EEF2: variants seen among roughly 807,000 people sequenced by gnomAD.
The protein encoded by EEF2 is eukaryotic translation elongation factor 2, also known as elongation factor 2.
Under a neutral mutation model 85.3 loss-of-function variants are expected in EEF2, and 21 were observed. The ratio of observed to expected loss-of-function variants is 0.25; its 90% CI spans 0.17 to 0.35. The LOEUF (loss-of-function observed/expected upper bound fraction) is 0.35. Among genes scored for constraint, EEF2 ranks in the 10% least tolerant of loss-of-function variants. The pLI is 1.00. For synonymous variants in EEF2, 723 were observed against 508.8 expected (o/e 1.42, Z -5.67); for missense variants, 825 against 1,225.3 (o/e 0.67, Z 4.88).
chr19:3,980,403 A>G, intron 9 of EEF2, 111 bp downstream of exon 9: 8 of 1,328,066 alleles, frequency 6.0e-6, no homozygotes, highest in South Asian at 1.5e-5. Context: ...GTATCACCCT[A>G]TATTCCTTCT....
In EEF2 at chr19:3,981,902, G is replaced by A. The variant is rs754879857; in HGVS notation, c.897+45C>T. On this transcript the variant is annotated intron_variant, in intron 6 of 14. Coordinates refer to ENST00000309311, the MANE Select transcript of EEF2 (RefSeq NM_001961.4). Reference sequence around the variant, plus strand: ...CCGGCCGGAGCCCACAGGGCCGAGGGCCAATAGTCGCATCGGCGGGGTGCC... The same window carrying A: ...CCGGCCGGAGCCCACAGGGCCGAGGACCAATAGTCGCATCGGCGGGGTGCC... 21 of 1,579,132 alleles carry A rather than the reference G, an allele frequency of 1.3e-5. No homozygotes were observed. In the Admixed American group the frequency reaches 2.2e-4, roughly 16 times the overall value.
rs577304115 is a variant in EEF2 at position 3,982,458 on chromosome 19, G to A, written c.613-34C>T. On this transcript the variant is annotated intron_variant, in intron 4 of 14. Transcript: ENST00000309311. ...GTGAGAAACGAGAAGCAGCCGTGAGGGCCCCTGCGCAGAGCCTGAAGCTAC... is the reference window on the plus strand; with the variant it reads ...GTGAGAAACGAGAAGCAGCCGTGAGAGCCCCTGCGCAGAGCCTGAAGCTAC... 1.3e-5 allele frequency: 21 copies of A among 1,613,430 alleles called. No homozygotes were observed. In the East Asian group the frequency reaches 3.1e-4, roughly 24 times the overall value.
Position 3,982,798 on chromosome 19 carries a change from G to A in EEF2, c.612+9C>T, listed in dbSNP as rs201732449. On this transcript the variant is annotated intron_variant, in intron 4 of 14. Transcript: ENST00000309311. ...GGCAAGCCCACCACCCAGCTAGGGAGGGCCGTACCATGATGTTGCCCATGG... is the reference window on the plus strand; with the variant it reads ...GGCAAGCCCACCACCCAGCTAGGGAAGGCCGTACCATGATGTTGCCCATGG... 37 of 1,606,504 alleles carry A rather than the reference G, an allele frequency of 2.3e-5. 1 individual carries two copies. In the Admixed American group the frequency reaches 4.5e-4, roughly 20 times the overall value.
rs778330979 is a variant in EEF2, at chr19:3,979,419, C to G, written c.1623G>C (p.Ser541=). 3.1e-6 allele frequency: 5 copies of G among 1,613,694 alleles called. No homozygotes were observed. The Admixed American group carries it at 8.3e-5, about 27-fold the overall frequency. ...DPMVQCIIEE[S]GEHIIAGAGE... The stretch of plus-strand genomic sequence containing the variant: ...CGGCGCCCGCGATGATATGCTCTCC[C>G]GACTCCTCGATGATGCACTGAAAGG... The change falls in exon 11 of 15, where the codon TCG becomes TCC. Residue 541 remains serine (S), a synonymous_variant. Transcript: ENST00000309311.
At chr19:3,981,806 G>C (rs2039751866) in intron 6 of EEF2, 141 bp downstream of exon 6, 3 of 771,756 alleles carry the variant, frequency 3.9e-6, no homozygotes, top group South Asian at 1.6e-5. Flanking sequence ...CTCCACCTCA[G>C]TTAGGAGCTG....
chr19:3,981,251 G>A (rs2039742340), intron 7 of EEF2, 88 bp downstream of exon 7: 4 of 1,326,228 alleles, frequency 3.0e-6, no homozygotes, highest in Non-Finnish European at 1.1e-6. Context: ...CCCAGCTGAG[G>A]ACTTCAGCCC....
At position 3,976,424 on chromosome 19, in the gene EEF2, G is replaced by C; in HGVS notation, c.*130C>G. 1.0e-6 allele frequency: 1 copy of C among 1,002,198 alleles called. No individual in the cohort carries two copies. Among genetic ancestry groups the C allele is most frequent in the Non-Finnish European group, 1.4e-6 (1 of 694,256 alleles). The allele number at this position is 1,002,198 out of a possible 1,614,324, so 62.1% of individuals were successfully genotyped here. On this transcript the variant is annotated 3_prime_UTR_variant, in exon 15 of 15. Coordinates refer to ENST00000309311, the MANE Select transcript of EEF2 (RefSeq NM_001961.4). ...TTATGGTTGAGTGATGGCACGCAGC[G>C]GGCCCCAGAAACCTCTCAGGGGAGC...
At chr19:3,976,979 G>A (rs1052703307) in intron 14 of EEF2, among the ~76,000 whole-genome samples, 22 of 152,206 alleles carry the variant, frequency 1.4e-4, no homozygotes, top group African/African-American at 3.9e-4. Flanking sequence ...GGCCCAGGGC[G>A]TAGGCCTTCA....
At chr19:3,976,849 C>A in intron 14 of EEF2, 102 bp from the exon 15 acceptor site, 1 of 1,311,920 alleles carries the variant, frequency 7.6e-7, no homozygotes, top group Non-Finnish European at 1.0e-6. Context: ...CTGAGTCACC[C>A]TGCAGACCAG....
At chr19:3,979,680 C>T in intron 10 of EEF2, 128 bp downstream of exon 10, 1 of 1,423,766 alleles carries the variant, frequency 7.0e-7, no homozygotes, top group Non-Finnish European at 9.5e-7. Context: ...CAGCCACAGC[C>T]AAGAACCCCT....
chr19:3,982,964 T>C lies in EEF2; in HGVS notation c.455A>G (p.Lys152Arg), dbSNP rs1324170947. 2.5e-6 allele frequency: 4 copies of C among 1,612,936 alleles called. No homozygotes were observed. The highest frequency in any genetic ancestry group is 1.7e-5 in the Admixed American group (1 of 59,986). The part of the protein sequence containing the change: ...VLRQAIAERI[K>R]PVLMMNKMDR... Reference sequence around the variant, plus strand: ...CATCTTGTTCATCATCAGCACAGGCTTGATGCGCTCGGCAATGGCCTGCCG... The same window carrying C: ...CATCTTGTTCATCATCAGCACAGGCCTGATGCGCTCGGCAATGGCCTGCCG... Residue 152 changes from lysine (K) to arginine (R), a missense_variant, in exon 4 of 15, where the codon AAG becomes AGG. Lys to Arg is a conservative substitution (Grantham distance 26). Transcript: ENST00000309311.
chr19:3,983,840 C>G, intron 2 of EEF2: 1 of 465,494 alleles, frequency 2.1e-6, no homozygotes, highest in South Asian at 2.4e-5. Context: ...CCCTCCCCTC[C>G]CAGGTGTGAC....
chr19:3,981,548 G>C, intron 6 of EEF2, 96 bp from the exon 7 acceptor site: 1 of 1,169,870 alleles, frequency 8.5e-7, no homozygotes, highest in South Asian at 1.3e-5. Context: ...TCAGCGCAGG[G>C]GGACGCAGCA....
In EEF2 at chr19:3,977,810, G is replaced by T; in HGVS notation, c.2067+9C>A. ...GGGTGTGGTCTGCACATGCTGAGCCGTGCCTCACCTCCTTGGTGGCCCACT... is the reference window on the plus strand; with the variant it reads ...GGGTGTGGTCTGCACATGCTGAGCCTTGCCTCACCTCCTTGGTGGCCCACT... On this transcript the variant is annotated intron_variant, in intron 12 of 14. Coordinates refer to ENST00000309311, the MANE Select transcript of EEF2 (RefSeq NM_001961.4). This position sits in a 1 kb window ranked among gnomAD's most constrained non-coding sequence, Gnocchi z 5.4. 1.9e-6 allele frequency: 3 copies of T among 1,573,868 alleles called. No homozygotes were observed. Among genetic ancestry groups the T allele is most frequent in the Non-Finnish European group, 2.6e-6 (3 of 1,154,976 alleles).
chr19:3,983,997 CCTCA>C, intron 2 of EEF2, 135 bp downstream of exon 2: 2 of 881,198 alleles, frequency 2.3e-6, no homozygotes, highest in Middle Eastern at 3.5e-4. Context: ...CTGGACTGAA[CCTCA>C]CTCATTCTCC....
chr19:3,981,519 C>A, intron 6 of EEF2, 67 bp from the exon 7 acceptor site: 1 of 1,471,992 alleles, frequency 6.8e-7, no homozygotes, highest in Non-Finnish European at 9.5e-7. Flanking sequence ...GGCACTGCTT[C>A]CTGCTTGGAA....
chr19:3,978,208 G>A (rs779756129), intron 11 of EEF2, 36 bp from the exon 12 acceptor site: 2 of 1,431,038 alleles, frequency 1.4e-6, no homozygotes, highest in Non-Finnish European at 1.8e-6. Context: ...CTTGCCTGGA[G>A]AAAGAGGTGA....
Position 3,980,571 on chromosome 19 carries a change from A to G in EEF2, c.1289T>C (p.Met430Thr). ...CTTCCCAGGGGTATAGTTGGGCCCCATGATCCTGACCTTCAGGCCAGTGGA... is the reference window on the plus strand; with the variant it reads ...CTTCCCAGGGGTATAGTTGGGCCCCGTGATCCTGACCTTCAGGCCAGTGGA... ...LVSTGLKVRI[M>T]GPNYTPGKKE... is the part of the protein sequence containing the mutation. Residue 430 changes from methionine to threonine, a missense_variant, in exon 9 of 15, where the codon ATG (methionine) becomes ACG (threonine). By Grantham distance (81) the Met-to-Thr change is moderately conservative. Transcript: ENST00000309311. 2 of 1,614,220 alleles carry G rather than the reference A, an allele frequency of 1.2e-6. No homozygotes were observed. Among genetic ancestry groups the G allele is most frequent in the Non-Finnish European group, 8.5e-7 (1 of 1,180,022 alleles).
intron 2 of EEF2, 90 bp downstream of exon 2, chr19:3,984,046 C>A (rs2039789618): frequency 2.8e-6 from 4 of 1,405,806 alleles, no homozygotes; most frequent in Admixed American, 1.8e-5. Flanking sequence ...GAGACGTTGC[C>A]AAGTCTCTCC....
Sources: gnomAD v4.1 joint callset for allele counts (sites outside exome capture counted in the v4.1 genomes callset) on GRCh38, gnomAD v4.1.1 for gene constraint, Gnocchi (gnomAD v3.1) non-coding constraint, MANE v1.5 for transcripts, NCBI Gene and HGNC (gene_info 2026-07-23, HGNC 2026-07-21) for gene names.